Variants in NAALADL2 observed in about 807,000 individuals in gnomAD.
The protein encoded by NAALADL2 is inactive N-acetylated-alpha-linked acidic dipeptidase-like protein 2.
In NAALADL2, 76 loss-of-function variants were observed where a neutral mutation model predicts 87.2. The ratio of observed to expected loss-of-function variants is 0.87; its 90% confidence interval spans 0.72 to 1.05. NAALADL2 has a LOEUF of 1.05. Among genes scored for constraint, NAALADL2 ranks in the 50% least tolerant of loss-of-function variants. The probability of loss-of-function intolerance (pLI) is 0.00; values close to 1 mark genes in which losing one functional copy is unlikely to be tolerated. For missense variants in NAALADL2, 1,089 were observed against 945.8 expected (o/e 1.15, Z -1.99); for synonymous variants, 354 against 331.0 (o/e 1.07, Z -0.75).
At chr3:174,619,556 C>A (rs1162346467) in intron 2 of NAALADL2, among the ~76,000 whole-genome samples, 1 of 151,858 alleles carries the variant, frequency 6.6e-6, no homozygotes, top group Non-Finnish European at 1.5e-5. Flanking sequence ...ATAAGAGTTG[C>A]TTTTGGTCTT....
chr3:175,007,405 A>G (rs997181002), intron 1 of NAALADL2, among the ~76,000 whole-genome samples: 1 of 152,210 alleles, frequency 6.6e-6, no homozygotes, highest in Non-Finnish European at 1.5e-5. Flanking sequence ...GAACAACCAC[A>G]TGGGCTATCT....
chr3:175,397,661 TAGAA>T (rs1162016049), intron 5 of NAALADL2, among the ~76,000 whole-genome samples: 1 of 152,194 alleles, frequency 6.6e-6, no homozygotes, highest in East Asian at 1.9e-4. Context: ...GATTTCTGGA[TAGAA>T]AGATTCTCCT....
Position 175,225,126 on chromosome 3 carries a change from A to T in NAALADL2, c.546-8805A>T, listed in dbSNP as rs192487820. 1.2e-4 allele frequency among the ~76,000 whole-genome samples: 18 copies of T among 152,306 alleles called. No homozygotes were observed. In the East Asian group the frequency reaches 3.5e-3, roughly 29 times the overall value. On this transcript the variant is annotated intron_variant, in intron 2 of 13. Transcript: ENST00000454872. The stretch of plus-strand genomic sequence containing the variant: ...AATATTGTTCTGACATAATCATTAT[A>T]ATTTATTGTTCTGGCATAATCTTAA...
chr3:175,240,799 G>A lies in NAALADL2; in HGVS notation c.819+6595G>A, dbSNP rs1581072791. Among the ~76,000 whole-genome samples the A allele has an allele frequency of 3.3e-5, 5 of 152,238 alleles. No individual in the cohort carries two copies. The South Asian group carries it at 1.0e-3, about 32-fold the overall frequency. On this transcript the variant is annotated intron_variant, in intron 3 of 13. Coordinates refer to ENST00000454872, the MANE Select transcript of NAALADL2 (RefSeq NM_207015.3). The stretch of plus-strand genomic sequence containing the variant: ...GCCTCCCGAGTAGCTGGGATTACAG[G>A]CATGTGCCACCACACCCGGCTAATT...
At chr3:174,930,686 A>T (rs1274698837) in intron 1 of NAALADL2, among the ~76,000 whole-genome samples, 2 of 130,024 alleles carry the variant, frequency 1.5e-5, no homozygotes, top group Non-Finnish European at 3.1e-5. Flanking sequence ...CAGTGGCGCG[A>T]TCTCGGCTCA....
chr3:175,285,738 A>G (rs1754897939), intron 4 of NAALADL2, among the ~76,000 whole-genome samples: 1 of 152,144 alleles, frequency 6.6e-6, no homozygotes, highest in African/African-American at 2.4e-5. Flanking sequence ...TCTATATTTT[A>G]AATGTCATTC....
At chr3:175,250,877 T>C (rs1163243813) in intron 3 of NAALADL2, among the ~76,000 whole-genome samples, 1 of 152,200 alleles carries the variant, frequency 6.6e-6, no homozygotes, top group Non-Finnish European at 1.5e-5. Context: ...TTGATCTGTG[T>C]AATAGTACAT....
Position 175,504,439 on chromosome 3 carries a change from G to A in NAALADL2, c.1653+32681G>A, listed in dbSNP as rs555767752. ...CTAGCCCCTAATGTGACTCTTTCTG[G>A]AGATAGGGTCTATAGGAGGCCATTA... is the stretch of plus-strand genomic sequence containing the variant. On this transcript the variant is annotated intron_variant, in intron 9 of 13. Transcript: ENST00000454872. 6.0e-4 allele frequency among the ~76,000 whole-genome samples: 91 copies of A among 152,198 alleles called. 1 individual carries two copies. The highest frequency in any genetic ancestry group is 3.4e-3 in the Middle Eastern group (1 of 294).
intron 1 of NAALADL2, among the ~76,000 whole-genome samples, chr3:174,885,873 GTTGTT>G (rs1553883560): frequency 1.2e-5 from 1 of 83,768 alleles, no homozygotes; most frequent in Non-Finnish European, 2.3e-5. Flanking sequence ...GCCAGTCCGA[GTTGTT>G]TTTTTTTTTT....
At chr3:175,132,631 C>A (rs1294564092) in intron 2 of NAALADL2, among the ~76,000 whole-genome samples, 1 of 123,528 alleles carries the variant, frequency 8.1e-6, no homozygotes, top group African/African-American at 3.3e-5. Flanking sequence ...ACCTCCCTCC[C>A]GGACGGGGTG....
intron 11 of NAALADL2, among the ~76,000 whole-genome samples, chr3:175,716,956 T>C (rs1176509913): frequency 6.6e-6 from 1 of 152,146 alleles, no homozygotes; most frequent in Non-Finnish European, 1.5e-5. Flanking sequence ...AGGTATTCCC[T>C]GATGTCAGAA....
chr3:175,030,257 G>C (rs1318111078), intron 1 of NAALADL2, among the ~76,000 whole-genome samples: 2 of 152,062 alleles, frequency 1.3e-5, no homozygotes, highest in African/African-American at 4.8e-5. Context: ...CCTTTAAAGA[G>C]AAAGGACTTC....
intron 1 of NAALADL2, among the ~76,000 whole-genome samples, chr3:174,961,912 G>C (rs1299071403): frequency 1.3e-5 from 2 of 151,976 alleles, no homozygotes; most frequent in African/African-American, 4.8e-5. Flanking sequence ...TTTGGTCCCA[G>C]TAATCCTGGG....
Position 175,610,199 on chromosome 3 carries a change from A to G in NAALADL2, c.1801-17092A>G, listed in dbSNP as rs190385267. On this transcript the variant is annotated intron_variant, in intron 10 of 13. Transcript: ENST00000454872. Reference sequence around the variant, plus strand: ...GTAGGAAAACATAGAGGATCACCCTATGTAAGTAGATTTTTCTAGCTTTCT... The same window carrying G: ...GTAGGAAAACATAGAGGATCACCCTGTGTAAGTAGATTTTTCTAGCTTTCT... 1.9e-3 allele frequency among the ~76,000 whole-genome samples: 295 copies of G among 152,300 alleles called. 1 individual carries two copies. The highest frequency in any genetic ancestry group is 6.6e-3 in the African/African-American group (275 of 41,580).
intron 1 of NAALADL2, among the ~76,000 whole-genome samples, chr3:175,047,799 CT>C (rs1754869420): frequency 1.3e-5 from 2 of 152,160 alleles, no homozygotes; most frequent in East Asian, 1.9e-4. Flanking sequence ...TATTAAAAAA[CT>C]TTGCGAATTC....
intron 1 of NAALADL2, among the ~76,000 whole-genome samples, chr3:174,867,413 T>G (rs576687670): frequency 2.0e-5 from 3 of 152,140 alleles, no homozygotes; most frequent in South Asian, 2.1e-4. Flanking sequence ...TAATGTGTGA[T>G]TTTTAATTCT....
At chr3:175,677,684 C>CA (rs888354646) in intron 11 of NAALADL2, among the ~76,000 whole-genome samples, 7 of 151,902 alleles carry the variant, frequency 4.6e-5, no homozygotes, top group African/African-American at 1.2e-4. Context: ...ACTTGTTTTA[C>CA]AAAAAAATCA....
intron 5 of NAALADL2, among the ~76,000 whole-genome samples, chr3:175,396,663 G>C (rs1359874532): frequency 6.6e-6 from 1 of 152,038 alleles, no homozygotes; most frequent in East Asian, 1.9e-4. Context: ...ATCTCATCTT[G>C]AATTGTAGTT....
At chr3:174,617,354 A>G (rs541143770) in intron 2 of NAALADL2, among the ~76,000 whole-genome samples, 5 of 151,942 alleles carry the variant, frequency 3.3e-5, no homozygotes, top group African/African-American at 1.2e-4. Context: ...AAAATATATC[A>G]TAAATTTAGT....
Sources: allele counts gnomAD v4.1 joint callset (sites outside exome capture counted in the v4.1 genomes callset), GRCh38; gene constraint gnomAD v4.1.1; transcripts MANE v1.5; gene names NCBI Gene and HGNC (gene_info 2026-07-23, HGNC 2026-07-21).